NEGR1: variants seen among roughly 807,000 people sequenced by gnomAD.
The protein encoded by NEGR1 is IgLON family member 4.
NEGR1 carries 10 observed loss-of-function variants against 40.9 expected under a neutral mutation model. That is an observed-to-expected ratio of 0.24 (90% CI 0.15 to 0.42). The LOEUF is 0.42. NEGR1 is among the 10% of genes least tolerant of loss of function. The pLI, the probability that NEGR1 is intolerant of heterozygous loss-of-function variation, is 1.00. For synonymous variants in NEGR1, 185 were observed against 166.8 expected, an observed-to-expected ratio of 1.11 and a Z score of -0.84; for missense variants, 352 against 438.9, an observed-to-expected ratio of 0.80 and a Z score of 1.77.
chr1:71,447,136 G>C (rs1228202403), intron 6 of NEGR1, among the ~76,000 whole-genome samples: 1 of 152,224 alleles, frequency 6.6e-6, no homozygotes, highest in Non-Finnish European at 1.5e-5. Flanking sequence ...TCTGCCTCCT[G>C]TCAGATCAGT....
At chr1:71,682,484 T>G (rs900097263) in intron 4 of NEGR1, among the ~76,000 whole-genome samples, 6 of 152,234 alleles carry the variant, frequency 3.9e-5, no homozygotes, top group Non-Finnish European at 8.8e-5. Flanking sequence ...AAGATATTCA[T>G]ATACAGAGTT....
intron 4 of NEGR1, among the ~76,000 whole-genome samples, chr1:71,694,765 G>A (rs894978415): frequency 5.3e-5 from 8 of 151,656 alleles, no homozygotes; most frequent in Non-Finnish European, 1.0e-4. Context: ...TGAATCTACC[G>A]GAGCTTATGA....
chr1:71,581,834 C>T lies in NEGR1; in HGVS notation c.940+10983G>A, dbSNP rs140856987. Among the ~76,000 whole-genome samples the T allele has an allele frequency of 3.6e-4, 54 of 152,056 alleles. 1 individual carries two copies. The East Asian group carries it at 0.01, about 28-fold the overall frequency. On this transcript the variant is annotated intron_variant, in intron 6 of 6. Transcript: ENST00000357731. ...CCTCCCACCTCAGCATTCCAAGTAG[C>T]TGGGATGACAGGTGTAGACAACCAC...
chr1:72,093,718 C>G (rs1178331276), intron 1 of NEGR1, among the ~76,000 whole-genome samples: 1 of 152,204 alleles, frequency 6.6e-6, no homozygotes, highest in Admixed American at 6.5e-5. Context: ...TATAAGCCAG[C>G]ATTTTACTAA....
intron 6 of NEGR1, among the ~76,000 whole-genome samples, chr1:71,542,802 G>C (rs1419904138): frequency 6.6e-6 from 1 of 151,664 alleles, no homozygotes; most frequent in African/African-American, 2.4e-5. Context: ...ATAACTCCAT[G>C]ATGCAATGAG....
At position 71,602,093 on chromosome 1, in the gene NEGR1, A is replaced by G. The variant is rs549795115; in HGVS notation, c.788+8933T>C. On this transcript the variant is annotated intron_variant, in intron 5 of 6. Transcript: ENST00000357731. Reference sequence around the variant, plus strand: ...GTCCAAATGCCTTGTAACATTTAAGACCCTCCAAGTCTTTCCCTAAGGTGC... The same window carrying G: ...GTCCAAATGCCTTGTAACATTTAAGGCCCTCCAAGTCTTTCCCTAAGGTGC... Among the ~76,000 whole-genome samples, 6 of 152,054 alleles carry G rather than the reference A, an allele frequency of 3.9e-5. No homozygotes were observed. The East Asian group carries it at 1.2e-3, about 29-fold the overall frequency.
chr1:72,202,847 T>C (rs1281889460), intron 1 of NEGR1, among the ~76,000 whole-genome samples: 1 of 152,056 alleles, frequency 6.6e-6, no homozygotes, highest in African/African-American at 2.4e-5. Flanking sequence ...TTAGAGCCTT[T>C]AAGAATTATG....
chr1:71,411,012 A>G (rs1210807168), intron 6 of NEGR1, among the ~76,000 whole-genome samples: 1 of 152,188 alleles, frequency 6.6e-6, no homozygotes, highest in African/African-American at 2.4e-5. Context: ...ATACTTATAC[A>G]TCTTAACCTG....
chr1:71,433,938 A>T (rs1646487363), intron 6 of NEGR1, among the ~76,000 whole-genome samples: 1 of 152,242 alleles, frequency 6.6e-6, no homozygotes, highest in South Asian at 2.1e-4. Flanking sequence ...ACTTTTAAAT[A>T]CCAATAATTG....
intron 2 of NEGR1, among the ~76,000 whole-genome samples, chr1:71,816,038 A>G (rs1009425932): frequency 1.3e-5 from 2 of 152,200 alleles, no homozygotes; most frequent in Non-Finnish European, 2.9e-5. Flanking sequence ...ATTCCTTTCA[A>G]ACACCCTAAG....
At chr1:71,881,666 T>C (rs1406106934) in intron 2 of NEGR1, among the ~76,000 whole-genome samples, 3 of 152,134 alleles carry the variant, frequency 2.0e-5, no homozygotes, top group Non-Finnish European at 4.4e-5. Context: ...TATGAAAATG[T>C]ACATAGGAAA....
chr1:72,141,023 C>A (rs1220309043), intron 1 of NEGR1, among the ~76,000 whole-genome samples: 3 of 151,906 alleles, frequency 2.0e-5, no homozygotes, highest in Admixed American at 6.6e-5. Flanking sequence ...ACATTGTGTA[C>A]ACTAACATGA....
intron 3 of NEGR1, among the ~76,000 whole-genome samples, chr1:71,703,011 CAT>C (rs1201146188): frequency 6.6e-6 from 1 of 151,948 alleles, no homozygotes; most frequent in Non-Finnish European, 1.5e-5. Flanking sequence ...CAGAAATCTA[CAT>C]GTGTTTTCTT....
At chr1:71,505,088 G>C (rs1360190837) in intron 6 of NEGR1, among the ~76,000 whole-genome samples, 1 of 152,046 alleles carries the variant, frequency 6.6e-6, no homozygotes, top group East Asian at 1.9e-4. Context: ...AGGGAAAAAA[G>C]GTCTCCAACC....
At chr1:71,635,413 T>C (rs1651114382) in intron 4 of NEGR1, among the ~76,000 whole-genome samples, 2 of 152,150 alleles carry the variant, frequency 1.3e-5, no homozygotes, top group African/African-American at 2.4e-5. Flanking sequence ...TCAGGACATA[T>C]TGCAGCAATT....
At chr1:71,685,861 G>T (rs1482618130) in intron 4 of NEGR1, among the ~76,000 whole-genome samples, 1 of 152,100 alleles carries the variant, frequency 6.6e-6, no homozygotes, top group Admixed American at 6.6e-5. Context: ...CTTTTTTGAA[G>T]AAACTTATGA....
chr1:71,591,775 G>A (rs1649507011), intron 6 of NEGR1, among the ~76,000 whole-genome samples: 1 of 152,112 alleles, frequency 6.6e-6, no homozygotes, highest in African/African-American at 2.4e-5. Context: ...TTTCACATCA[G>A]CATTCTTAAA....
Position 71,983,344 on chromosome 1 carries a change from T to C in NEGR1, c.177-48033A>G, listed in dbSNP as rs548890788. Among the ~76,000 whole-genome samples the C allele has an allele frequency of 2.0e-5, 3 of 152,262 alleles. No homozygotes were observed. In the South Asian group the frequency reaches 6.2e-4, roughly 32 times the overall value. On this transcript the variant is annotated intron_variant, in intron 1 of 6. Coordinates refer to ENST00000357731, the MANE Select transcript of NEGR1 (RefSeq NM_173808.3). ...CTTCTACACAGGGTTATCTGGAAAA[T>C]GAAATAATGGAAAGCGCTTATTTCT...
intron 1 of NEGR1, among the ~76,000 whole-genome samples, chr1:72,083,841 G>T (rs898845904): frequency 6.6e-6 from 1 of 152,068 alleles, no homozygotes; most frequent in South Asian, 2.1e-4. Flanking sequence ...CACTATCAAC[G>T]TTCTGCCCCA....
Sources: allele counts gnomAD v4.1 joint callset (sites outside exome capture counted in the v4.1 genomes callset), GRCh38; gene constraint gnomAD v4.1.1; transcripts MANE v1.5; gene names NCBI Gene and HGNC (gene_info 2026-07-23, HGNC 2026-07-21).